The following MDGA2 variants were observed in gnomAD, a reference collection of about 807,000 sequenced individuals.
MDGA2 encodes MAM domain-containing glycosylphosphatidylinositol anchor protein 2.
A neutral mutation model predicts 117.8 loss-of-function variants in MDGA2; 40 were observed. That is an observed-to-expected ratio of 0.34 (90% CI 0.26 to 0.44). MDGA2 has a LOEUF of 0.44. Ranked by LOEUF, MDGA2 falls within the 20% of genes least tolerant of loss-of-function variation. The pLI is 1.00. For missense variants in MDGA2, 1,123 were observed against 1,250.6 expected (o/e 0.90, Z 1.54); for synonymous variants, 452 against 439.0 (o/e 1.03, Z -0.37).
intron 10 of MDGA2, among the ~76,000 whole-genome samples, chr14:46,887,122 T>G (rs1339496820): frequency 6.6e-6 from 1 of 151,998 alleles, no homozygotes; most frequent in Non-Finnish European, 1.5e-5. Flanking sequence ...TCTTCTAATA[T>G]CTCTACATTG....
At chr14:47,027,530 T>A (rs1566581210) in intron 8 of MDGA2, among the ~76,000 whole-genome samples, 1 of 151,880 alleles carries the variant, frequency 6.6e-6, no homozygotes, top group Non-Finnish European at 1.5e-5. Flanking sequence ...AAAAATAAAC[T>A]ATGTGCTTAT....
At chr14:46,928,011 G>A (rs1309240322) in intron 9 of MDGA2, among the ~76,000 whole-genome samples, 3 of 152,048 alleles carry the variant, frequency 2.0e-5, no homozygotes, top group Non-Finnish European at 4.4e-5. Flanking sequence ...GATCTTTAAA[G>A]AAAGCCTTTA....
At chr14:47,617,454 T>A (rs1896967608) in intron 1 of MDGA2, among the ~76,000 whole-genome samples, 1 of 152,140 alleles carries the variant, frequency 6.6e-6, no homozygotes, top group Admixed American at 6.5e-5. Context: ...TCCACCCACC[T>A]CGGCCTCCCA....
intron 8 of MDGA2, among the ~76,000 whole-genome samples, chr14:47,001,358 A>T: frequency 6.6e-6 from 1 of 152,112 alleles, no homozygotes; most frequent in Admixed American, 6.6e-5. Flanking sequence ...GGTGTTCATA[A>T]ACGAGGAGTT....
intron 10 of MDGA2, among the ~76,000 whole-genome samples, chr14:46,910,747 T>C (rs910027370): frequency 2.0e-5 from 3 of 152,200 alleles, no homozygotes; most frequent in Non-Finnish European, 4.4e-5. Context: ...CAGCCATCAG[T>C]GCTCACCAAT....
intron 3 of MDGA2, chr14:47,200,878 C>G (rs1446293384): frequency 1.2e-6 from 1 of 860,972 alleles, no homozygotes; most frequent in Non-Finnish European, 2.0e-6. Context: ...CGTCAAACAC[C>G]TTAAGGCAGT....
intron 1 of MDGA2, among the ~76,000 whole-genome samples, chr14:47,539,973 A>G (rs957521881): frequency 2.7e-5 from 4 of 150,690 alleles, no homozygotes; most frequent in African/African-American, 9.8e-5. Flanking sequence ...TCTGCTCAGA[A>G]CTCTTTTCCT....
Position 47,442,523 on chromosome 14 carries a change from T to C in MDGA2, c.281-140973A>G, listed in dbSNP as rs180774061. 1.2e-4 allele frequency among the ~76,000 whole-genome samples: 19 copies of C among 152,238 alleles called. 1 individual carries two copies. In the East Asian group the frequency reaches 3.7e-3, roughly 29 times the overall value. ...ATCTCACTGGAGATGAGGTCAGTAGTGAAGGCAGGAGCAGAGTATTAACAA... is the reference window on the plus strand; with the variant it reads ...ATCTCACTGGAGATGAGGTCAGTAGCGAAGGCAGGAGCAGAGTATTAACAA... On this transcript the variant is annotated intron_variant, in intron 1 of 16. Transcript: ENST00000399232.
At chr14:47,637,971 G>A (rs1027286066) in intron 1 of MDGA2, among the ~76,000 whole-genome samples, 1 of 152,062 alleles carries the variant, frequency 6.6e-6, no homozygotes, top group African/African-American at 2.4e-5. Flanking sequence ...TGTCTCCTTT[G>A]CCACCATCAT....
At chr14:47,202,097 T>C (rs1321459901) in intron 3 of MDGA2, among the ~76,000 whole-genome samples, 1 of 152,202 alleles carries the variant, frequency 6.6e-6, no homozygotes, top group African/African-American at 2.4e-5. Context: ...CTCTTTTTCT[T>C]CTTAGCATCC....
intron 1 of MDGA2, among the ~76,000 whole-genome samples, chr14:47,639,043 C>T (rs28404844): frequency 0.3 from 45,419 of 151,984 alleles, 7,296 homozygotes; most frequent in South Asian, 0.46. Flanking sequence ...TAATTTAGGT[C>T]TTTGATGAAA....
intron 3 of MDGA2, among the ~76,000 whole-genome samples, chr14:47,206,728 A>G (rs1885698204): frequency 6.6e-6 from 1 of 151,994 alleles, no homozygotes; most frequent in Non-Finnish European, 1.5e-5. Context: ...GTCTCTACAA[A>G]AAGCTAGTAA....
rs563746088 is a variant in MDGA2 at position 46,868,089 on chromosome 14, C to T, written c.2752+5344G>A. ...AAATCTATTGTGTAAATGTTGTTTC[C>T]GAGAATCAAATGTAAATAAATCATG... is the stretch of plus-strand genomic sequence containing the variant. On this transcript the variant is annotated intron_variant, in intron 14 of 16. Transcript: ENST00000399232. Among the ~76,000 whole-genome samples the T allele has an allele frequency of 8.6e-5, 13 of 151,642 alleles. No individual in the cohort carries two copies. In the East Asian group the frequency reaches 1.4e-3, roughly 16 times the overall value.
At chr14:46,982,705 C>CAAAAAA (rs59530070) in intron 8 of MDGA2, among the ~76,000 whole-genome samples, 9 of 45,940 alleles carry the variant, frequency 2.0e-4, no homozygotes, top group East Asian at 1.0e-3. Context: ...GAGACTCCAT[C>CAAAAAA]AAAAAAAAAA....
At chr14:47,158,180 G>A (rs918406655) in intron 3 of MDGA2, among the ~76,000 whole-genome samples, 3 of 152,106 alleles carry the variant, frequency 2.0e-5, no homozygotes, top group South Asian at 4.1e-4. Context: ...TGTTACGACT[G>A]CTTACAGCAT....
rs376998709 is a variant in MDGA2 at position 47,125,343 on chromosome 14, TTAAG to T, written c.925+6367_925+6370del. Among the ~76,000 whole-genome samples the T allele has an allele frequency of 6.0e-4, 92 of 152,286 alleles. 1 individual carries two copies. The highest frequency in any genetic ancestry group is 2.1e-3 in the African/African-American group (87 of 41,578). On this transcript the variant is annotated intron_variant, in intron 5 of 16. Coordinates refer to ENST00000399232, the MANE Select transcript of MDGA2 (RefSeq NM_001113498.3). ...TAAGATATTTTCTTTTTCATAAGGC[TTAAG>T]TAAGTTAGTTAAATTCCTCTAAACA...
At chr14:47,252,643 C>T (rs1344562451) in intron 2 of MDGA2, among the ~76,000 whole-genome samples, 1 of 152,120 alleles carries the variant, frequency 6.6e-6, no homozygotes, top group Non-Finnish European at 1.5e-5. Context: ...CTTACAGGAG[C>T]ACAGTTTGGG....
At chr14:47,332,115 T>C (rs1296888989) in intron 1 of MDGA2, among the ~76,000 whole-genome samples, 3 of 152,050 alleles carry the variant, frequency 2.0e-5, no homozygotes, top group Non-Finnish European at 4.4e-5. Context: ...CTGTTACTTT[T>C]ATCCCATTAA....
chr14:47,498,809 G>A (rs1894337082), intron 1 of MDGA2, among the ~76,000 whole-genome samples: 1 of 152,072 alleles, frequency 6.6e-6, no homozygotes, highest in African/African-American at 2.4e-5. Context: ...CTAATGAGAA[G>A]GATTTTGGCA....
Sources: gnomAD v4.1 joint callset for allele counts (sites outside exome capture counted in the v4.1 genomes callset) on GRCh38, gnomAD v4.1.1 for gene constraint, MANE v1.5 for transcripts, NCBI Gene and HGNC (gene_info 2026-07-23, HGNC 2026-07-21) for gene names.